ZSCAN21: variants seen among roughly 807,000 people sequenced by gnomAD.
The protein encoded by ZSCAN21 is zinc finger and SCAN domain-containing protein 21.
In ZSCAN21, 26 loss-of-function variants were observed where a neutral mutation model predicts 35.6. That is an observed-to-expected ratio of 0.73 (90% CI 0.54 to 1.01). The LOEUF (loss-of-function observed/expected upper bound fraction) is 1.01. Among genes scored for constraint, ZSCAN21 ranks in the 50% least tolerant of loss-of-function variants. ZSCAN21 has a pLI of 0.00. For missense variants in ZSCAN21, 593 were observed against 587.1 expected (o/e 1.01, Z -0.10); for synonymous variants, 219 against 219.3 (o/e 1.00, Z 0.01).
intron 3 of ZSCAN21, among the ~76,000 whole-genome samples, chr7:100,061,932 G>T (rs570135426): frequency 6.6e-6 from 1 of 152,304 alleles, no homozygotes; most frequent in South Asian, 2.1e-4. Context: ...GAAGAGGTGT[G>T]ACTGCCTGGT....
chr7:100,054,895 G>A (rs972481070), intron 1 of ZSCAN21, among the ~76,000 whole-genome samples: 5 of 147,054 alleles, frequency 3.4e-5, no homozygotes, highest in South Asian at 4.3e-4. Flanking sequence ...ACTATGAACC[G>A]TGTTTACAGA....
intron 1 of ZSCAN21, among the ~76,000 whole-genome samples, chr7:100,053,905 C>T (rs922351829): frequency 4.6e-5 from 7 of 152,036 alleles, no homozygotes; most frequent in African/African-American, 1.7e-4. Context: ...GGCCCCAGTT[C>T]ACCATGTTGG....
chr7:100,049,909 G>C (rs1791797089), intron 1 of ZSCAN21, 68 bp downstream of exon 1: 1 of 152,584 alleles, frequency 6.6e-6, no homozygotes, highest in Admixed American at 6.5e-5. Flanking sequence ...GGTCTGGGGA[G>C]GGAGGAGTGG....
chr7:100,055,317 T>C (rs1262337817), intron 1 of ZSCAN21, among the ~76,000 whole-genome samples: 2 of 152,012 alleles, frequency 1.3e-5, no homozygotes, highest in African/African-American at 4.8e-5. Context: ...CAGGCTGGAG[T>C]GCAGTGGCGC....
chr7:100,057,485 T>G (rs1481611882), intron 2 of ZSCAN21, 80 bp downstream of exon 2: 1 of 1,476,770 alleles, frequency 6.8e-7, no homozygotes, highest in Non-Finnish European at 9.0e-7. Context: ...GTCCATACAT[T>G]AAGATTTGCT....
Position 100,056,929 on chromosome 7 carries a change from A to C in ZSCAN21, c.-78A>C. 1 of 1,428,410 alleles carries C rather than the reference A, an allele frequency of 7.0e-7. No homozygotes were observed. Among genetic ancestry groups the C allele is most frequent in the Non-Finnish European group, 9.4e-7 (1 of 1,068,774 alleles). 88.5% of individuals were successfully genotyped at this position (1,428,410 alleles called of 1,614,324 possible). ...TTCTTAGGTTTAACTTGTGGCCCTA[A>C]AGAACTGGAAACCCAAAGGAACGAA... On this transcript the variant is annotated 5_prime_UTR_variant, in exon 2 of 4. Transcript: ENST00000292450.
chr7:100,050,074 G>A (rs1442113456), intron 1 of ZSCAN21, among the ~76,000 whole-genome samples: 1 of 152,188 alleles, frequency 6.6e-6, no homozygotes, highest in East Asian at 1.9e-4. Flanking sequence ...ATGAAAGCTG[G>A]AAGAACAGAT....
intron 3 of ZSCAN21, 29 bp downstream of exon 3, chr7:100,057,919 A>T (rs1156882329): frequency 6.5e-7 from 1 of 1,527,022 alleles, no homozygotes; most frequent in Non-Finnish European, 8.8e-7. Context: ...ACTCCTATTC[A>T]GTGCCCCAGG....
chr7:100,051,956 G>C (rs556114125), intron 1 of ZSCAN21, among the ~76,000 whole-genome samples: 1 of 152,002 alleles, frequency 6.6e-6, no homozygotes, highest in Non-Finnish European at 1.5e-5. Context: ...TAAGAGACAG[G>C]GTTTTCCTTT....
chr7:100,053,532 T>C (rs967549074), intron 1 of ZSCAN21, among the ~76,000 whole-genome samples: 9 of 144,400 alleles, frequency 6.2e-5, no homozygotes, highest in Non-Finnish European at 1.1e-4. Flanking sequence ...CATACATACA[T>C]ACATACATAC....
rs566511570 is a variant in ZSCAN21, at chr7:100,057,113, A to G, written c.107A>G (p.Lys36Arg). The G allele has an allele frequency of 3.2e-5, 52 of 1,614,156 alleles. No homozygotes were observed. The South Asian group carries it at 5.1e-4, about 16-fold the overall frequency. ...VKVEEKEEKG[K>R]YLPSLEMFRQ... ...GTCGAGGAGAAAGAAGAGAAAGGCA[A>G]GTACCTTCCTAGCCTGGAGATGTTC... Residue 36 changes from lysine to arginine, a missense_variant, in exon 2 of 4, where the codon AAG (lysine) becomes AGG (arginine). Lys to Arg is a conservative substitution (Grantham distance 26). Transcript: ENST00000292450.
intron 1 of ZSCAN21, among the ~76,000 whole-genome samples, chr7:100,051,282 C>CATTTTTTTTTTT (rs1791863085): frequency 2.9e-5 from 1 of 34,948 alleles, no homozygotes; most frequent in East Asian, 1.0e-3. Context: ...TAGGGATTTT[C>CATTTTTTTTTTT]TTTTTTTTTT....
At position 100,064,670 on chromosome 7, in the gene ZSCAN21, C is replaced by T; in HGVS notation, c.*53C>T. The T allele has an allele frequency of 6.2e-7, 1 of 1,602,574 alleles. No individual in the cohort carries two copies. The highest frequency in any genetic ancestry group is 1.1e-5 in the South Asian group (1 of 89,868). On this transcript the variant is annotated 3_prime_UTR_variant, in exon 4 of 4. Transcript: ENST00000292450. ...GTTTTAAACTTTAGAATCTGAAAAC[C>T]AGAAAGAAGTCTTGTCATTGCAGCA...
At position 100,055,238 on chromosome 7, in the gene ZSCAN21, G is replaced by T. The variant is rs914548411; in HGVS notation, c.-96-1673G>T. 5.3e-5 allele frequency among the ~76,000 whole-genome samples: 8 copies of T among 150,838 alleles called. No homozygotes were observed. In the East Asian group the frequency reaches 1.4e-3, roughly 26 times the overall value. ...CTCAAAGTGCTGGGATTACAGATGTGAGCCACTGCACCTGGCACTTCAGTT... is the reference window on the plus strand; with the variant it reads ...CTCAAAGTGCTGGGATTACAGATGTTAGCCACTGCACCTGGCACTTCAGTT... On this transcript the variant is annotated intron_variant, in intron 1 of 3. Transcript: ENST00000292450.
intron 3 of ZSCAN21, among the ~76,000 whole-genome samples, chr7:100,059,024 A>G (rs1384362350): frequency 6.6e-6 from 1 of 152,246 alleles, no homozygotes; most frequent in Admixed American, 6.5e-5. Context: ...GTTTGCAAAA[A>G]TATGGCATAT....
chr7:100,061,928 G>A (rs1164143151), intron 3 of ZSCAN21, among the ~76,000 whole-genome samples: 2 of 152,184 alleles, frequency 1.3e-5, no homozygotes, highest in Non-Finnish European at 2.9e-5. Context: ...CTTTGAAGAG[G>A]TGTGACTGCC....
intron 1 of ZSCAN21, among the ~76,000 whole-genome samples, chr7:100,054,794 A>T (rs1792014386): frequency 7.2e-6 from 1 of 139,262 alleles, no homozygotes. Context: ...AGCCGAGATC[A>T]CGCCACTGTA....
Position 100,064,370 on chromosome 7 carries a change from AATG to A in ZSCAN21, c.1176_1178del (p.Glu392_Cys393delinsAsp). 1.2e-6 allele frequency: 2 copies of A among 1,614,146 alleles called. No individual in the cohort carries two copies. Among genetic ancestry groups the A allele is most frequent in the Non-Finnish European group, 1.7e-6 (2 of 1,180,036 alleles). ...GGGGAGAAGCCTTATCAGTGTAACG[AATG>A]TGGGAAGAGCTTCAGTCAGCATGCG... On this transcript the variant is annotated inframe_deletion, in exon 4 of 4. Transcript: ENST00000292450.
At position 100,057,768 on chromosome 7, in the gene ZSCAN21, C is replaced by T. The variant is rs1418743453; in HGVS notation, c.470C>T (p.Ser157Phe). 15 of 1,613,934 alleles carry T rather than the reference C, an allele frequency of 9.3e-6. No individual in the cohort carries two copies. The East Asian group carries it at 2.9e-4, about 31-fold the overall frequency. Residue 157 changes from serine to phenylalanine, a missense_variant, in exon 3 of 4, where the codon TCC becomes TTC. Ser to Phe is a radical substitution (Grantham distance 155). Coordinates refer to ENST00000292450, the MANE Select transcript of ZSCAN21 (RefSeq NM_145914.3). ...KISSSGTAKE[S>F]PSSMQPQPLE... ...TCCTCCTCAGGAACTGCAAAGGAAT[C>T]CCCGAGCAGCATGCAGCCACAGCCC...
Sources: gnomAD v4.1 joint callset for allele counts (sites outside exome capture counted in the v4.1 genomes callset) on GRCh38, gnomAD v4.1.1 for gene constraint, MANE v1.5 for transcripts, NCBI Gene and HGNC (gene_info 2026-07-23, HGNC 2026-07-21) for gene names.